The following FCHO2 variants were observed in gnomAD, a reference collection of about 807,000 sequenced individuals.
FCHO2 encodes the protein FCH and mu domain containing endocytic adaptor 2.
In FCHO2, 43 loss-of-function variants were observed where a neutral mutation model predicts 114.1. The ratio of observed to expected loss-of-function variants is 0.38; its 90% CI spans 0.30 to 0.49. The LOEUF is 0.49. Among genes scored for constraint, FCHO2 ranks in the 20% least tolerant of loss-of-function variants. The pLI, the probability that FCHO2 is intolerant of heterozygous loss-of-function variation, is 0.97. For synonymous variants in FCHO2, 293 were observed against 315.2 expected, an observed-to-expected ratio of 0.93 and a Z score of 0.75; for missense variants, 807 against 950.4, an observed-to-expected ratio of 0.85 and a Z score of 1.98.
At chr5:72,990,335 C>A in intron 3 of FCHO2, 143 bp from the exon 4 acceptor site, 1 of 622,778 alleles carries the variant, frequency 1.6e-6, no homozygotes, top group Non-Finnish European at 2.6e-6. Context: ...GTCTGTCAAT[C>A]ATTTTATTCA....
Position 73,013,936 on chromosome 5 carries a change from G to A in FCHO2, c.601-1690G>A, listed in dbSNP as rs560898660. Among the ~76,000 whole-genome samples the A allele has an allele frequency of 3.9e-5, 6 of 152,150 alleles. No homozygotes were observed. In the South Asian group the frequency reaches 8.3e-4, roughly 21 times the overall value. On this transcript the variant is annotated intron_variant, in intron 6 of 25. Coordinates refer to ENST00000430046, the MANE Select transcript of FCHO2 (RefSeq NM_138782.3). Reference sequence around the variant, plus strand: ...CCTCATCTCATGATCAGCTGGCCTCGGCCTCCCAAAGTGCTGGAATTACAG... The same window carrying A: ...CCTCATCTCATGATCAGCTGGCCTCAGCCTCCCAAAGTGCTGGAATTACAG...
chr5:73,015,600 T>C, intron 6 of FCHO2, 26 bp from the exon 7 acceptor site: 1 of 1,338,938 alleles, frequency 7.5e-7, no homozygotes, highest in Admixed American at 2.2e-5. Context: ...ATGTTATAAA[T>C]CTATAACTTT....
At position 73,077,449 on chromosome 5, in the gene FCHO2, CAGCAGACTAG is replaced by C; in HGVS notation, c.1810_1819del (p.Leu604PhefsTer24). 6.2e-7 allele frequency: 1 copy of C among 1,603,088 alleles called. No individual in the cohort carries two copies. Among genetic ancestry groups the C allele is most frequent in the Non-Finnish European group, 8.5e-7 (1 of 1,174,516 alleles). On this transcript the variant is annotated frameshift_variant, in exon 21 of 26. Coordinates refer to ENST00000430046, the MANE Select transcript of FCHO2 (RefSeq NM_138782.3). LOFTEE classifies it high-confidence loss of function. ...TGTTGTGCTTCAGGGTGAAAAATATCAGCAGACTAGAGCAGATTCTTCCAAATGCACAGCT... is the reference window on the plus strand; with the variant it reads ...TGTTGTGCTTCAGGGTGAAAAATATCAGCAGATTCTTCCAAATGCACAGCT...
At chr5:73,007,113 G>A (rs1754757990) in intron 6 of FCHO2, among the ~76,000 whole-genome samples, 1 of 152,080 alleles carries the variant, frequency 6.6e-6, no homozygotes, top group South Asian at 2.1e-4. Flanking sequence ...TTCCTGCTTA[G>A]CACCTATCGT....
intron 2 of FCHO2, among the ~76,000 whole-genome samples, chr5:72,987,440 C>A (rs1309826297): frequency 6.6e-6 from 1 of 151,920 alleles, no homozygotes; most frequent in African/African-American, 2.4e-5. Flanking sequence ...CGGATTCAAG[C>A]GATTCTCCTG....
chr5:73,013,777 C>T (rs910667847), intron 6 of FCHO2, among the ~76,000 whole-genome samples: 24 of 152,248 alleles, frequency 1.6e-4, no homozygotes, highest in African/African-American at 5.8e-4. Context: ...AAGGAATTCT[C>T]CTGGGTTCAA....
chr5:73,005,249 T>C lies in FCHO2; in HGVS notation c.496-1196T>C, dbSNP rs981675863. Among the ~76,000 whole-genome samples the C allele has an allele frequency of 2.6e-5, 4 of 152,210 alleles. No homozygotes were observed. In the East Asian group the frequency reaches 7.7e-4, roughly 29 times the overall value. On this transcript the variant is annotated intron_variant, in intron 5 of 25. Transcript: ENST00000430046. The stretch of plus-strand genomic sequence containing the variant: ...CTCAGGGTAAACCCAGTTTTCTCTT[T>C]GTAGTTTTTTGTTTTTAGATTCCTG...
intron 2 of FCHO2, among the ~76,000 whole-genome samples, chr5:72,973,894 T>C (rs1752712258): frequency 6.7e-6 from 1 of 149,712 alleles, no homozygotes; most frequent in South Asian, 2.1e-4. Flanking sequence ...GAGATTCTGG[T>C]ATGTTGTGTC....
At chr5:72,983,766 A>AT (rs569830496) in intron 2 of FCHO2, among the ~76,000 whole-genome samples, 6 of 151,104 alleles carry the variant, frequency 4.0e-5, no homozygotes, top group African/African-American at 9.7e-5. Flanking sequence ...CTCCTTCAGT[A>AT]TTTTTTTGGC....
At chr5:73,019,581 G>A (rs780882597) in intron 8 of FCHO2, among the ~76,000 whole-genome samples, 15 of 152,014 alleles carry the variant, frequency 9.9e-5, no homozygotes, top group Admixed American at 9.2e-4. Context: ...TTCAAGATAC[G>A]GAGGAAACAA....
intron 5 of FCHO2, among the ~76,000 whole-genome samples, chr5:73,003,831 T>G: frequency 6.6e-6 from 1 of 151,520 alleles, no homozygotes; most frequent in Admixed American, 6.6e-5. Flanking sequence ...ATCATTTGAG[T>G]TCAGGAGTTC....
At chr5:72,970,100 G>GT (rs1488960628) in intron 2 of FCHO2, among the ~76,000 whole-genome samples, 1 of 152,178 alleles carries the variant, frequency 6.6e-6, no homozygotes, top group African/African-American at 2.4e-5. Flanking sequence ...TGTAGTTGGA[G>GT]TGGTTTTTTT....
intron 24 of FCHO2, among the ~76,000 whole-genome samples, chr5:73,084,960 T>A (rs1743244269): frequency 6.6e-6 from 1 of 152,234 alleles, no homozygotes; most frequent in African/African-American, 2.4e-5. Flanking sequence ...CATTAAGGGC[T>A]TATAACCAGT....
intron 18 of FCHO2, among the ~76,000 whole-genome samples, chr5:73,065,592 A>C (rs1281540023): frequency 1.3e-5 from 2 of 152,202 alleles, no homozygotes; most frequent in East Asian, 1.9e-4. Context: ...GAGTTAATAC[A>C]TGTAAAACAG....
chr5:73,019,024 C>T (rs533040185), intron 8 of FCHO2, among the ~76,000 whole-genome samples: 1 of 152,312 alleles, frequency 6.6e-6, no homozygotes, highest in South Asian at 2.1e-4. Context: ...CTAAACTAAG[C>T]TGACTTTGGC....
intron 21 of FCHO2, among the ~76,000 whole-genome samples, chr5:73,077,849 CA>C (rs1285136171): frequency 1.3e-5 from 2 of 150,414 alleles, no homozygotes; most frequent in African/African-American, 2.4e-5. Context: ...GACCCTGTCT[CA>C]AAAAAAAATG....
intron 19 of FCHO2, among the ~76,000 whole-genome samples, chr5:73,070,132 G>A (rs1042027555): frequency 2.7e-4 from 41 of 152,058 alleles, no homozygotes; most frequent in African/African-American, 9.7e-4. Context: ...ACTAGCAGTC[G>A]TTTAATAGGC....
intron 2 of FCHO2, among the ~76,000 whole-genome samples, chr5:72,975,811 A>G (rs761688858): frequency 6.6e-6 from 1 of 152,064 alleles, no homozygotes; most frequent in Non-Finnish European, 1.5e-5. Flanking sequence ...GGCCAGGCTC[A>G]TTTCATTTTA....
At chr5:73,012,883 T>C (rs1755096432) in intron 6 of FCHO2, among the ~76,000 whole-genome samples, 2 of 152,168 alleles carry the variant, frequency 1.3e-5, no homozygotes, top group South Asian at 4.1e-4. Flanking sequence ...CTTGAGTTTC[T>C]CTGTGGATTC....
Sources: gnomAD v4.1 joint callset for allele counts (sites outside exome capture counted in the v4.1 genomes callset) on GRCh38, gnomAD v4.1.1 for gene constraint, MANE v1.5 for transcripts, NCBI Gene and HGNC (gene_info 2026-07-23, HGNC 2026-07-21) for gene names.